NFASC: variants seen among roughly 807,000 people sequenced by gnomAD.
NFASC encodes neurofascin homolog.
Under a neutral mutation model 147.5 loss-of-function variants are expected in NFASC, and 43 were observed. That is an observed-to-expected ratio of 0.29 (90% CI 0.23 to 0.38). The LOEUF is 0.38. Ranked by LOEUF, NFASC falls within the 10% of genes least tolerant of loss-of-function variation. NFASC has a pLI of 1.00. For missense variants in NFASC, 1,320 were observed against 1,689.0 expected (o/e 0.78, Z 3.83); for synonymous variants, 622 against 665.5 (o/e 0.93, Z 1.01).
intron 2 of NFASC, among the ~76,000 whole-genome samples, chr1:204,942,734 A>G (rs1415857964): frequency 6.6e-6 from 1 of 152,218 alleles, no homozygotes; most frequent in Non-Finnish European, 1.5e-5. Flanking sequence ...GATCAAAACC[A>G]CGGTGGTGGC....
chr1:204,850,267 G>C (rs1004790634), intron 1 of NFASC, among the ~76,000 whole-genome samples: 1 of 152,220 alleles, frequency 6.6e-6, no homozygotes, highest in Non-Finnish European at 1.5e-5. Flanking sequence ...TGTAATGGCA[G>C]CTGTCTTGGT....
At position 204,863,552 on chromosome 1, in the gene NFASC, CAG is replaced by C. The variant is rs2076844547; in HGVS notation, c.-200+34772_-200+34773del. ...GTTTCCAGAACGTTTTCACCCCAGA[CAG>C]AAACTCTGTAACCAGCCAGGCGCAG... On this transcript the variant is annotated intron_variant, in intron 1 of 29. Coordinates refer to ENST00000339876, the MANE Select transcript of NFASC (RefSeq NM_001005388.3). 2.0e-5 allele frequency among the ~76,000 whole-genome samples: 3 copies of C among 152,182 alleles called. No individual in the cohort carries two copies. The East Asian group carries it at 5.8e-4, about 29-fold the overall frequency.
At chr1:204,838,492 A>C (rs2102452386) in intron 1 of NFASC, among the ~76,000 whole-genome samples, 1 of 152,284 alleles carries the variant, frequency 6.6e-6, no homozygotes, top group Non-Finnish European at 1.5e-5. Flanking sequence ...AATGAGAAAA[A>C]CCATCCATGA....
rs2095978245 is a variant in NFASC at position 205,001,293 on chromosome 1, A to C, written c.3136+7A>C. 6.3e-7 allele frequency: 1 copy of C among 1,575,398 alleles called. No individual in the cohort carries two copies. Among genetic ancestry groups the C allele is most frequent in the Non-Finnish European group, 8.7e-7 (1 of 1,147,636 alleles). ...GTGGTTGAGTACATCGACAGTAAGC[A>C]TTGCTGTGCGGGGTGGTGGTGGCGG... is the stretch of plus-strand genomic sequence containing the variant. On this transcript the variant is annotated splice_region_variant and intron_variant, in intron 26 of 29. Coordinates refer to ENST00000339876, the MANE Select transcript of NFASC (RefSeq NM_001005388.3).
rs552869140 is a variant in NFASC at position 204,914,096 on chromosome 1, G to T, written c.-199-6536G>T. On this transcript the variant is annotated intron_variant, in intron 1 of 29. Transcript: ENST00000339876. ...AGTCAGGAAAAAAAATAATGATGTG[G>T]TCGATTTGCAGCCCCTCTTATAGAG... Among the ~76,000 whole-genome samples, 4 of 152,250 alleles carry T rather than the reference G, an allele frequency of 2.6e-5. No individual in the cohort carries two copies. In the South Asian group the frequency reaches 6.2e-4, roughly 24 times the overall value.
chr1:204,976,668 C>G lies in NFASC; in HGVS notation c.1707-3C>G, dbSNP rs1482204801. Reference sequence around the variant, plus strand: ...TCCCAACCCTTCCTCGGTACCTTTGCAGGATGAAGAAGGAAGACGACTCCC... The same window carrying G: ...TCCCAACCCTTCCTCGGTACCTTTGGAGGATGAAGAAGGAAGACGACTCCC... On this transcript the variant is annotated splice_region_variant and splice_polypyrimidine_tract_variant and intron_variant, in intron 15 of 29. Coordinates refer to ENST00000339876, the MANE Select transcript of NFASC (RefSeq NM_001005388.3). 1 of 1,608,886 alleles carries G rather than the reference C, an allele frequency of 6.2e-7. No homozygotes were observed. Among genetic ancestry groups the G allele is most frequent in the Admixed American group, 1.7e-5 (1 of 59,862 alleles).
rs150763923 is a variant in NFASC, at chr1:205,006,728, G to A, written c.3290-2829G>A. The stretch of plus-strand genomic sequence containing the variant: ...AGAATGGAACAGTGAGAGGAATATG[G>A]GAAGTGTTTTGGAAGAAGTGGCAGC... On this transcript the variant is annotated intron_variant, in intron 27 of 29. Transcript: ENST00000339876. Among the ~76,000 whole-genome samples, 9 of 152,320 alleles carry A rather than the reference G, an allele frequency of 5.9e-5. No individual in the cohort carries two copies. The East Asian group carries it at 1.7e-3, about 29-fold the overall frequency.
At chr1:204,892,793 C>T (rs2082655791) in intron 1 of NFASC, among the ~76,000 whole-genome samples, 1 of 152,182 alleles carries the variant, frequency 6.6e-6, no homozygotes, top group South Asian at 2.1e-4. Context: ...ATGACTATTA[C>T]AGAATTCGGA....
At chr1:204,984,850 G>A (rs1323008866) in intron 21 of NFASC, among the ~76,000 whole-genome samples, 3 of 152,136 alleles carry the variant, frequency 2.0e-5, no homozygotes, top group Admixed American at 2.0e-4. Context: ...CTTCTGAGTA[G>A]CGCTAATTAA....
chr1:204,881,896 C>G (rs577349724), intron 1 of NFASC, among the ~76,000 whole-genome samples: 15 of 152,248 alleles, frequency 9.9e-5, no homozygotes, highest in Non-Finnish European at 1.8e-4. Flanking sequence ...GACTAGGTTC[C>G]TCATCCTCCA....
chr1:204,956,575 G>A (rs1047602960), intron 7 of NFASC, among the ~76,000 whole-genome samples: 32 of 152,098 alleles, frequency 2.1e-4, no homozygotes, highest in African/African-American at 7.7e-4. Context: ...TGCTCGCCAC[G>A]CTGCATTGCA....
chr1:204,830,877 A>G (rs6593913), intron 1 of NFASC, among the ~76,000 whole-genome samples: 36,505 of 152,066 alleles, frequency 0.24, 7,013 homozygotes, highest in East Asian at 0.78. Context: ...AATCCAAGTG[A>G]CTGGACTCCT....
intron 8 of NFASC, among the ~76,000 whole-genome samples, chr1:204,959,311 C>T (rs2094558860): frequency 6.6e-6 from 1 of 152,180 alleles, no homozygotes; most frequent in Non-Finnish European, 1.5e-5. Flanking sequence ...CCTCGAGTTC[C>T]TGGCAGGGTG....
At chr1:205,005,777 G>A (rs1284342646) in intron 27 of NFASC, among the ~76,000 whole-genome samples, 2 of 152,158 alleles carry the variant, frequency 1.3e-5, no homozygotes, top group Non-Finnish European at 2.9e-5. Context: ...ATCCCACTTG[G>A]TTTTGAACAG....
At chr1:205,009,907 G>A (rs1161345357) in intron 28 of NFASC, 25 of 580,232 alleles carry the variant, frequency 4.3e-5, no homozygotes, top group Non-Finnish European at 6.4e-5. Context: ...CAGTCCAGGC[G>A]GCCTCAGAGA....
At chr1:204,885,462 G>T (rs2369422) in intron 1 of NFASC, among the ~76,000 whole-genome samples, 1 of 152,152 alleles carries the variant, frequency 6.6e-6, no homozygotes, top group South Asian at 2.1e-4. Context: ...AATGGTGAAA[G>T]AATTTTCCAC....
intron 1 of NFASC, among the ~76,000 whole-genome samples, chr1:204,863,674 C>T (rs1023579644): frequency 2.0e-5 from 3 of 151,876 alleles, no homozygotes; most frequent in Non-Finnish European, 2.9e-5. Context: ...ACATGGTGAA[C>T]CCCGTCTCTA....
chr1:204,872,531 A>T (rs754655956), intron 1 of NFASC, among the ~76,000 whole-genome samples: 32 of 152,140 alleles, frequency 2.1e-4, no homozygotes, highest in Non-Finnish European at 3.5e-4. Context: ...GGTCAACTCA[A>T]CCGCAGTCAG....
intron 27 of NFASC, among the ~76,000 whole-genome samples, chr1:205,005,835 G>A (rs1057214766): frequency 3.3e-5 from 5 of 152,172 alleles, no homozygotes; most frequent in Non-Finnish European, 5.9e-5. Context: ...TTTTCGGTAA[G>A]GACGGAAGGT....
Sources: gnomAD v4.1 joint callset for allele counts (sites outside exome capture counted in the v4.1 genomes callset) on GRCh38, gnomAD v4.1.1 for gene constraint, MANE v1.5 for transcripts, NCBI Gene and HGNC (gene_info 2026-07-23, HGNC 2026-07-21) for gene names.